Variants in RBL1 observed in about 807,000 individuals in gnomAD.
RBL1 encodes RB transcriptional corepressor like 1.
RBL1 carries 82 observed loss-of-function variants against 123.0 expected under a neutral mutation model. The ratio of observed to expected loss-of-function variants is 0.67; its 90% CI spans 0.56 to 0.80. The LOEUF is 0.80. RBL1 is among the 30% of genes least tolerant of loss of function. RBL1 has a pLI of 0.00. For synonymous variants in RBL1, 405 were observed against 441.3 expected, an observed-to-expected ratio of 0.92 and a Z score of 1.03; for missense variants, 1,171 against 1,299.6, an observed-to-expected ratio of 0.90 and a Z score of 1.52.
intron 14 of RBL1, among the ~76,000 whole-genome samples, chr20:37,039,226 T>C (rs1193209309): frequency 6.6e-6 from 1 of 152,164 alleles, no homozygotes; most frequent in Non-Finnish European, 1.5e-5. Context: ...GTTTATTAGA[T>C]GAACTTAAGC....
chr20:37,064,520 G>C (rs1377188383), intron 7 of RBL1, among the ~76,000 whole-genome samples: 1 of 152,090 alleles, frequency 6.6e-6, no homozygotes, highest in Non-Finnish European at 1.5e-5. Context: ...ATGGTGAGAG[G>C]ATTGCTTGAG....
In RBL1 at chr20:37,060,983, T is replaced by C. The variant is rs149221534; in HGVS notation, c.1250+120A>G. The C allele has an allele frequency of 1.3e-3, 1,374 of 1,089,024 alleles. 26 individuals are homozygous for C. The African/African-American group carries it at 0.019, about 15-fold the overall frequency. The allele number at this position is 1,089,024 out of a possible 1,614,324, so 67.5% of individuals were successfully genotyped here. On this transcript the variant is annotated intron_variant, in intron 9 of 21. Transcript: ENST00000373664. Reference sequence around the variant, plus strand: ...AATATATTTTGTGATTGAAATGGTATAGTAAAACTTGCCAGATGAACATCC... The same window carrying C: ...AATATATTTTGTGATTGAAATGGTACAGTAAAACTTGCCAGATGAACATCC...
chr20:37,068,878 A>G (rs2065227612), intron 2 of RBL1, among the ~76,000 whole-genome samples: 1 of 152,038 alleles, frequency 6.6e-6, no homozygotes, highest in Non-Finnish European at 1.5e-5. Flanking sequence ...CTCTCTTTCC[A>G]CGGTCTCCCT....
intron 4 of RBL1, 53 bp from the exon 5 acceptor site, chr20:37,067,174 G>A: frequency 6.4e-7 from 1 of 1,565,038 alleles, no homozygotes; most frequent in East Asian, 2.2e-5. Context: ...AACCTCTCAT[G>A]TCAAATAGCA....
chr20:37,045,985 G>A (rs937812801), intron 12 of RBL1, among the ~76,000 whole-genome samples: 11 of 152,158 alleles, frequency 7.2e-5, no homozygotes, highest in Admixed American at 2.0e-4. Context: ...AACATTAAAC[G>A]TTATTGACTG....
chr20:37,052,677 T>G (rs1296046429), intron 11 of RBL1, among the ~76,000 whole-genome samples: 1 of 152,078 alleles, frequency 6.6e-6, no homozygotes, highest in Non-Finnish European at 1.5e-5. Flanking sequence ...GCCTGGCTAA[T>G]TTTTGTATTT....
intron 1 of RBL1, among the ~76,000 whole-genome samples, chr20:37,095,554 G>C (rs2065721666): frequency 6.6e-6 from 1 of 152,290 alleles, no homozygotes; most frequent in Non-Finnish European, 1.5e-5. Flanking sequence ...TGAGCGGCGC[G>C]GGACCTAGGC....
chr20:37,027,209 G>A (rs1198568451), intron 16 of RBL1, among the ~76,000 whole-genome samples: 1 of 151,914 alleles, frequency 6.6e-6, no homozygotes, highest in African/African-American at 2.4e-5. Context: ...TTAGCTGGGT[G>A]GGGTGGTGCA....
chr20:37,020,972 G>T (rs989836560), intron 17 of RBL1, among the ~76,000 whole-genome samples: 1 of 152,112 alleles, frequency 6.6e-6, no homozygotes, highest in Non-Finnish European at 1.5e-5. Context: ...CTGCTATGGT[G>T]TGACTCTACT....
intron 21 of RBL1, among the ~76,000 whole-genome samples, chr20:37,002,201 T>C (rs1026711762): frequency 6.6e-6 from 1 of 151,952 alleles, no homozygotes; most frequent in Non-Finnish European, 1.5e-5. Context: ...GGCTATTTTT[T>C]TGTCTTTTTA....
chr20:37,040,512 C>T (rs2064704733), intron 13 of RBL1, among the ~76,000 whole-genome samples: 1 of 151,846 alleles, frequency 6.6e-6, no homozygotes, highest in Non-Finnish European at 1.5e-5. Context: ...GCCATCATGC[C>T]CGGCTAATTT....
At chr20:37,082,823 C>A (rs1486998558) in intron 2 of RBL1, among the ~76,000 whole-genome samples, 2 of 151,670 alleles carry the variant, frequency 1.3e-5, no homozygotes, top group Non-Finnish European at 2.9e-5. Flanking sequence ...ATGGTGAAAC[C>A]CCATCTCTAA....
At chr20:37,038,239 GC>G (rs1165014825) in intron 14 of RBL1, among the ~76,000 whole-genome samples, 2 of 150,056 alleles carry the variant, frequency 1.3e-5, no homozygotes, top group Non-Finnish European at 3.0e-5. Flanking sequence ...TGATCCACCT[GC>G]CTCGGCCTCC....
intron 2 of RBL1, among the ~76,000 whole-genome samples, chr20:37,084,615 T>C (rs1183211044): frequency 2.0e-5 from 3 of 152,114 alleles, no homozygotes; most frequent in Non-Finnish European, 4.4e-5. Context: ...GAGGGATCGC[T>C]TGAGCCTGTG....
chr20:37,088,692 T>TA (rs560040564), intron 2 of RBL1, among the ~76,000 whole-genome samples: 10,503 of 143,102 alleles, frequency 0.073, 482 homozygotes, highest in Non-Finnish European at 0.098. Context: ...CCATCTCTAC[T>TA]AAAAAAAAAA....
intron 19 of RBL1, among the ~76,000 whole-genome samples, chr20:37,013,908 T>C (rs2064206776): frequency 1.3e-5 from 2 of 152,118 alleles, no homozygotes; most frequent in South Asian, 4.1e-4. Flanking sequence ...TAAACAGTAA[T>C]TATTTTACAA....
chr20:37,050,283 C>T (rs1312394909), intron 11 of RBL1, among the ~76,000 whole-genome samples: 5 of 151,892 alleles, frequency 3.3e-5, no homozygotes, highest in Non-Finnish European at 7.4e-5. Flanking sequence ...GTGGCTCACG[C>T]CTGTAATCCC....
At chr20:37,000,256 C>T (rs1360403805) in intron 21 of RBL1, among the ~76,000 whole-genome samples, 1 of 149,668 alleles carries the variant, frequency 6.7e-6, no homozygotes, top group Non-Finnish European at 1.5e-5. Flanking sequence ...CTCCGCCCGG[C>T]AGCCACTCCG....
intron 11 of RBL1, among the ~76,000 whole-genome samples, chr20:37,047,672 C>G (rs1305043061): frequency 2.0e-5 from 3 of 152,192 alleles, no homozygotes; most frequent in Admixed American, 1.3e-4. Context: ...TTGTTGCCTT[C>G]TTTCTTTCAA....
Sources: allele counts gnomAD v4.1 joint callset (sites outside exome capture counted in the v4.1 genomes callset), GRCh38; gene constraint gnomAD v4.1.1; transcripts MANE v1.5; gene names NCBI Gene and HGNC (gene_info 2026-07-23, HGNC 2026-07-21).